The following CHD9 variants were observed in gnomAD, a reference collection of about 807,000 sequenced individuals.
CHD9 encodes chromodomain helicase DNA binding protein 9, also known as ATP-dependent chromatin remodeler CHD9.
In CHD9, 77 loss-of-function variants were observed where a neutral mutation model predicts 316.1. The observed-to-expected ratio is 0.24, with a 90% confidence interval of 0.20 to 0.29. CHD9 has a LOEUF of 0.29. Among genes scored for constraint, CHD9 ranks in the 10% least tolerant of loss-of-function variants. The pLI is 1.00. For missense variants in CHD9, 2,763 were observed against 3,438.1 expected (o/e 0.80, Z 4.91); for synonymous variants, 1,129 against 1,158.3 (o/e 0.97, Z 0.51).
chr16:53,218,756 G>A (rs370052493), intron 3 of CHD9, among the ~76,000 whole-genome samples: 31 of 152,196 alleles, frequency 2.0e-4, no homozygotes, highest in African/African-American at 6.0e-4. Flanking sequence ...AATATATGAA[G>A]GGTATTAATA....
At chr16:53,110,064 C>A (rs1206861380) in intron 1 of CHD9, among the ~76,000 whole-genome samples, 1 of 152,122 alleles carries the variant, frequency 6.6e-6, no homozygotes, top group Non-Finnish European at 1.5e-5. Flanking sequence ...ATCCCAGGAG[C>A]CGAGTAAAGC....
At position 53,324,037 on chromosome 16, in the gene CHD9, C is replaced by T; in HGVS notation, c.7836C>T (p.Ser2612=). ...VVKQSGFLPE[S]MYERILTGPV... ...TCTTCCAGGGATTTCTTCCAGAAAGCATGTATGAACGTATTCTCACTGGTC... is the reference window on the plus strand; with the variant it reads ...TCTTCCAGGGATTTCTTCCAGAAAGTATGTATGAACGTATTCTCACTGGTC... The change falls in exon 39 of 39, where the codon AGC becomes AGT. Residue 2612 remains serine (S), a synonymous_variant. Coordinates refer to ENST00000447540, the MANE Select transcript of CHD9 (RefSeq NM_001308319.2). The T allele has an allele frequency of 6.2e-7, 1 of 1,604,280 alleles. No homozygotes were observed. The highest frequency in any genetic ancestry group is 8.5e-7 in the Non-Finnish European group (1 of 1,172,522).
intron 30 of CHD9, among the ~76,000 whole-genome samples, chr16:53,300,883 G>C (rs535498852): frequency 6.6e-6 from 1 of 152,298 alleles, no homozygotes; most frequent in East Asian, 1.9e-4. Flanking sequence ...AGGCAGGTGG[G>C]GCAACATGGT....
rs2044775977 is a variant in CHD9 at position 53,195,011 on chromosome 16, A to G, written c.1453-14471A>G. Among the ~76,000 whole-genome samples the G allele has an allele frequency of 2.0e-5, 3 of 152,244 alleles. No individual in the cohort carries two copies. The South Asian group carries it at 6.2e-4, about 31-fold the overall frequency. On this transcript the variant is annotated intron_variant, in intron 2 of 38. Coordinates refer to ENST00000447540, the MANE Select transcript of CHD9 (RefSeq NM_001308319.2). ...GAATGATTGTTTACTCAGATTAATG[A>G]TAAGATTACAAAATGTTCTTCAGTT...
chr16:53,171,656 C>T (rs1567417694), intron 2 of CHD9, among the ~76,000 whole-genome samples: 1 of 151,864 alleles, frequency 6.6e-6, no homozygotes, highest in Non-Finnish European at 1.5e-5. Context: ...TGAGACCAGC[C>T]TGAGCAAAAT....
At chr16:53,111,987 G>A (rs1008916444) in intron 1 of CHD9, among the ~76,000 whole-genome samples, 5 of 152,142 alleles carry the variant, frequency 3.3e-5, no homozygotes, top group Non-Finnish European at 7.4e-5. Flanking sequence ...TGATAAATAA[G>A]GAAACTAAGT....
intron 34 of CHD9, 127 bp downstream of exon 34, chr16:53,308,981 T>A: frequency 1.5e-6 from 1 of 653,314 alleles, no homozygotes; most frequent in Non-Finnish European, 2.4e-6. Context: ...TATAAAGTAA[T>A]CAATAGAATT....
chr16:53,146,216 T>G, intron 1 of CHD9, among the ~76,000 whole-genome samples: 1 of 125,710 alleles, frequency 8.0e-6, no homozygotes, highest in Non-Finnish European at 1.7e-5. Context: ...TGAAACCCCG[T>G]CTCTACTAAA....
chr16:53,133,159 TGTCATTCCTGAACA>T (rs2039456918), intron 1 of CHD9, among the ~76,000 whole-genome samples: 1 of 152,148 alleles, frequency 6.6e-6, no homozygotes, highest in Non-Finnish European at 1.5e-5. Flanking sequence ...TAAGGGTAAC[TGTCATTCCTGAACA>T]GTTTCAGGTA....
intron 2 of CHD9, among the ~76,000 whole-genome samples, chr16:53,158,419 T>C (rs7204230): frequency 0.31 from 47,243 of 152,036 alleles, 7,494 homozygotes; most frequent in Middle Eastern, 0.38. Context: ...CACAGTGAAG[T>C]AAGGTTAAGA....
intron 1 of CHD9, among the ~76,000 whole-genome samples, chr16:53,146,632 T>C (rs1335228290): frequency 1.3e-5 from 2 of 149,062 alleles, no homozygotes; most frequent in East Asian, 4.0e-4. Context: ...ACCCCATCTC[T>C]GCAAAAAAAT....
chr16:53,285,619 A>C lies in CHD9; in HGVS notation c.4991A>C (p.Glu1664Ala), dbSNP rs764360924. 15 of 1,606,074 alleles carry C rather than the reference A, an allele frequency of 9.3e-6. No individual in the cohort carries two copies. The highest frequency in any genetic ancestry group is 1.3e-5 in the Non-Finnish European group (15 of 1,175,316). ...AGTGACATTGATGTTTGGGTACCAG[A>C]ACCAGACCACTCAGAAGTTCCTGCT... Reference protein sequence around the residue: ...DASDIDVWVPEPDHSEVPAEW... With the variant: ...DASDIDVWVPAPDHSEVPAEW... The change falls in exon 25 of 39, where the codon GAA becomes GCA. Residue 1664 changes from glutamate to alanine, a missense_variant. Around this residue, in one of 15 missense-constraint regions of CHD9, gnomAD observed 40 missense variants for 39.5 expected, o/e 1.01. Coordinates refer to ENST00000447540, the MANE Select transcript of CHD9 (RefSeq NM_001308319.2).
In CHD9 at chr16:53,303,792, A is replaced by G. The variant is rs1334664291; in HGVS notation, c.5786A>G (p.Glu1929Gly). 6.2e-7 allele frequency: 1 copy of G among 1,613,914 alleles called. No homozygotes were observed. The highest frequency in any genetic ancestry group is 8.5e-7 in the Non-Finnish European group (1 of 1,179,890). Reference protein sequence around the residue: ...ERASRTLYRIELLRKVREQAL... With the variant: ...ERASRTLYRIGLLRKVREQAL... ...GCTTCTAGGACTTTGTATCGCATTG[A>G]ACTTCTAAGGAAAGTACGGGAACAG... The change falls in exon 31 of 39, where the codon GAA (glutamate) becomes GGA (glycine). Residue 1929 changes from glutamate (E) to glycine (G), a missense_variant. Physicochemically the swap from Glu to Gly is moderately conservative, Grantham distance 98 (BLOSUM62 -2). Transcript: ENST00000447540.
intron 1 of CHD9, among the ~76,000 whole-genome samples, chr16:53,145,384 C>G (rs1381097189): frequency 6.6e-6 from 1 of 151,328 alleles, no homozygotes; most frequent in African/African-American, 2.4e-5. Flanking sequence ...CTACCGACCT[C>G]AGGTGATCTG....
chr16:53,083,543 C>A (rs970958635), intron 1 of CHD9, among the ~76,000 whole-genome samples: 2 of 152,130 alleles, frequency 1.3e-5, no homozygotes, highest in African/African-American at 4.8e-5. Flanking sequence ...TTATTATGGA[C>A]AATTCCTGAA....
At chr16:53,091,856 C>T (rs1050892116) in intron 1 of CHD9, among the ~76,000 whole-genome samples, 3 of 151,964 alleles carry the variant, frequency 2.0e-5, no homozygotes, top group Non-Finnish European at 2.9e-5. Context: ...TCCTTTTGAC[C>T]TTCCTCTTCA....
At chr16:53,304,925 C>G (rs1008809182) in intron 31 of CHD9, among the ~76,000 whole-genome samples, 1 of 151,552 alleles carries the variant, frequency 6.6e-6, no homozygotes, top group Non-Finnish European at 1.5e-5. Context: ...AACTCCCGAC[C>G]TCAGGTGATC....
At position 53,304,573 on chromosome 16, in the gene CHD9, T is replaced by C; in HGVS notation, c.6567T>C (p.Ser2189=). 6.5e-7 allele frequency: 1 copy of C among 1,546,876 alleles called. No individual in the cohort carries two copies. Among genetic ancestry groups the C allele is most frequent in the South Asian group, 1.2e-5 (1 of 83,896 alleles). ...CCACCTCTTCCTCCTCCTCCTCCTC[T>C]TCATCTTCATCAGAAGAAAGTGACA... ...SSSTSSSSSS[S]SSSSEESDSD... is the part of the protein sequence containing the mutation. Residue 2189 remains serine (S), a synonymous_variant, in exon 31 of 39, where the codon TCT becomes TCC. Coordinates refer to ENST00000447540, the MANE Select transcript of CHD9 (RefSeq NM_001308319.2).
At chr16:53,301,129 T>C (rs956578640) in intron 30 of CHD9, among the ~76,000 whole-genome samples, 1 of 152,198 alleles carries the variant, frequency 6.6e-6, no homozygotes, top group African/African-American at 2.4e-5. Context: ...ATGATTCATA[T>C]TAATAGAATA....
Sources: gnomAD v4.1 joint callset for allele counts (sites outside exome capture counted in the v4.1 genomes callset) on GRCh38, gnomAD v4.1.1 for gene constraint, gnomAD v4.1.1 regional missense constraint, MANE v1.5 for transcripts, NCBI Gene and HGNC (gene_info 2026-07-23, HGNC 2026-07-21) for gene names.